Variants in INPP5A observed in about 807,000 individuals in gnomAD.
INPP5A encodes 43 kDa inositol polyphosphate 5-phophatase.
A neutral mutation model predicts 65.2 loss-of-function variants in INPP5A; 14 were observed. The observed-to-expected ratio is 0.21, with a 90% CI of 0.14 to 0.34. INPP5A has a LOEUF of 0.34. Ranked by LOEUF, INPP5A falls within the 10% of genes least tolerant of loss-of-function variation. The pLI is 1.00. For synonymous variants in INPP5A, 207 were observed against 208.3 expected (o/e 0.99, Z 0.05); for missense variants, 431 against 545.6 (o/e 0.79, Z 2.09).
chr10:132,579,846 C>G (rs541716924), intron 1 of INPP5A, among the ~76,000 whole-genome samples: 4 of 151,994 alleles, frequency 2.6e-5, no homozygotes, highest in Non-Finnish European at 1.5e-5. Context: ...CCTGCCTCTC[C>G]GTGGCGCCTG....
chr10:132,631,754 GC>G (rs755200102), intron 2 of INPP5A, among the ~76,000 whole-genome samples: 53 of 152,356 alleles, frequency 3.5e-4, no homozygotes, highest in Middle Eastern at 6.8e-3. Context: ...TGGTGAACGT[GC>G]TTTTTCTTGC....
intron 3 of INPP5A, among the ~76,000 whole-genome samples, chr10:132,647,234 G>T (rs371446387): frequency 2.0e-5 from 3 of 151,538 alleles, no homozygotes; most frequent in African/African-American, 7.3e-5. Context: ...TTCTGCCTCA[G>T]CCTCCCGAGT....
At position 132,549,910 on chromosome 10, in the gene INPP5A, C is replaced by G. The variant is rs2071028852; in HGVS notation, c.75+11739C>G. Reference sequence around the variant, plus strand: ...AGGGGATGGGGTCAGCCTCGAGTTACTAACCGGGCATTAGGGGATGGGGTC... The same window carrying G: ...AGGGGATGGGGTCAGCCTCGAGTTAGTAACCGGGCATTAGGGGATGGGGTC... On this transcript the variant is annotated intron_variant, in intron 1 of 15. Transcript: ENST00000368594. This position sits in a 1 kb window ranked among gnomAD's most constrained non-coding sequence, Gnocchi z 4.9. Among the ~76,000 whole-genome samples, 3 of 150,312 alleles carry G rather than the reference C, an allele frequency of 2.0e-5. No homozygotes were observed. Among genetic ancestry groups the G allele is most frequent in the Admixed American group, 2.0e-4 (3 of 15,066 alleles).
chr10:132,733,049 C>A (rs558411584), intron 9 of INPP5A, among the ~76,000 whole-genome samples: 319 of 152,288 alleles, frequency 2.1e-3, no homozygotes, highest in African/African-American at 7.0e-3. Context: ...CCAGGGGGGA[C>A]CCCTCCTTGC....
intron 8 of INPP5A, among the ~76,000 whole-genome samples, chr10:132,712,625 T>G (rs1017085027): frequency 9.3e-5 from 14 of 150,124 alleles, no homozygotes; most frequent in Admixed American, 1.3e-4. Context: ...CATGTGTGTG[T>G]GGGTATATGC....
intron 8 of INPP5A, among the ~76,000 whole-genome samples, chr10:132,719,685 T>A (rs555043985): frequency 3.5e-4 from 53 of 149,732 alleles, no homozygotes; most frequent in African/African-American, 1.3e-3. Flanking sequence ...ACGGCTGTCT[T>A]GCAGGTTCTG....
At chr10:132,683,273 C>T (rs941807832) in intron 4 of INPP5A, among the ~76,000 whole-genome samples, 7 of 149,414 alleles carry the variant, frequency 4.7e-5, no homozygotes, top group Non-Finnish European at 7.4e-5. Context: ...TATGCACACA[C>T]GTTTAATCCA....
intron 11 of INPP5A, among the ~76,000 whole-genome samples, chr10:132,759,841 C>T (rs1214518900): frequency 6.6e-6 from 1 of 152,172 alleles, no homozygotes; most frequent in Non-Finnish European, 1.5e-5. Flanking sequence ...TGTTCAGAGT[C>T]CCCTGGGCCT....
intron 9 of INPP5A, among the ~76,000 whole-genome samples, chr10:132,734,828 A>G (rs1166306348): frequency 1.3e-5 from 2 of 152,122 alleles, no homozygotes; most frequent in East Asian, 1.9e-4. Context: ...AAGGAGAGGG[A>G]GTGTCGGAGT....
At chr10:132,776,420 G>C (rs999273862) in intron 12 of INPP5A, among the ~76,000 whole-genome samples, 26 of 152,184 alleles carry the variant, frequency 1.7e-4, no homozygotes, top group Non-Finnish European at 3.1e-4. Flanking sequence ...GGCAGGGTCC[G>C]GGGGGCATGG....
At chr10:132,601,510 G>A (rs762035244) in intron 1 of INPP5A, among the ~76,000 whole-genome samples, 53 of 152,120 alleles carry the variant, frequency 3.5e-4, no homozygotes, top group Non-Finnish European at 3.5e-4. Flanking sequence ...TTGATGTCCC[G>A]CTTGTCTGTT....
chr10:132,716,791 AC>A (rs1845747216), intron 8 of INPP5A, among the ~76,000 whole-genome samples: 1 of 152,200 alleles, frequency 6.6e-6, no homozygotes, highest in East Asian at 1.9e-4. Flanking sequence ...AGTGAGAAAA[AC>A]AAAAGTAAAA....
At chr10:132,630,142 C>T (rs2072244769) in intron 2 of INPP5A, among the ~76,000 whole-genome samples, 1 of 152,264 alleles carries the variant, frequency 6.6e-6, no homozygotes, top group Non-Finnish European at 1.5e-5. Flanking sequence ...GAAAAGGCGT[C>T]TATGAGGGAA....
intron 2 of INPP5A, among the ~76,000 whole-genome samples, chr10:132,640,131 G>A (rs2072406783): frequency 6.6e-6 from 1 of 152,210 alleles, no homozygotes; most frequent in Non-Finnish European, 1.5e-5. Context: ...TCAGGGTTGT[G>A]TCCTGGTCAT....
chr10:132,699,363 G>C (rs1436273163), intron 6 of INPP5A, among the ~76,000 whole-genome samples: 1 of 39,590 alleles, frequency 2.5e-5, no homozygotes, highest in Non-Finnish European at 7.0e-5. Flanking sequence ...GTGCTGGGGT[G>C]GGGGGGGGCT....
At chr10:132,701,564 T>C (rs1162041869) in intron 6 of INPP5A, among the ~76,000 whole-genome samples, 1 of 152,230 alleles carries the variant, frequency 6.6e-6, no homozygotes, top group Non-Finnish European at 1.5e-5. Flanking sequence ...ATGTGAGCGT[T>C]GGCTGAGGCC....
intron 1 of INPP5A, among the ~76,000 whole-genome samples, chr10:132,590,851 G>A (rs576299628): frequency 4.6e-5 from 7 of 152,184 alleles, no homozygotes; most frequent in African/African-American, 1.4e-4. Flanking sequence ...GTCATTGCTC[G>A]CTCCGTGGTT....
chr10:132,652,631 C>T (rs376694835), intron 4 of INPP5A, among the ~76,000 whole-genome samples: 3 of 152,212 alleles, frequency 2.0e-5, no homozygotes, highest in East Asian at 1.9e-4. Flanking sequence ...CTGTGCCAGT[C>T]GCCAGCTACC....
chr10:132,715,398 C>A (rs945440565), intron 8 of INPP5A, among the ~76,000 whole-genome samples: 1 of 152,208 alleles, frequency 6.6e-6, no homozygotes, highest in African/African-American at 2.4e-5. Context: ...AACATTGGGA[C>A]ATTTAACTTT....
Sources: gnomAD v4.1 joint callset for allele counts (sites outside exome capture counted in the v4.1 genomes callset) on GRCh38, gnomAD v4.1.1 for gene constraint, Gnocchi (gnomAD v3.1) non-coding constraint, MANE v1.5 for transcripts, NCBI Gene and HGNC (gene_info 2026-07-23, HGNC 2026-07-21) for gene names.